The following DOCK3 variants were observed in gnomAD, a reference collection of about 807,000 sequenced individuals.
The protein encoded by DOCK3 is dedicator of cytokinesis protein 3.
A neutral mutation model predicts 265.6 loss-of-function variants in DOCK3; 60 were observed. That is an observed-to-expected ratio of 0.23 (90% confidence interval 0.18 to 0.28). The LOEUF (loss-of-function observed/expected upper bound fraction) is 0.28, where lower values mean the gene tolerates loss of function less well. Ranked by LOEUF, DOCK3 falls within the 10% of genes least tolerant of loss-of-function variation. The pLI, the probability that DOCK3 is intolerant of heterozygous loss-of-function variation, is 1.00. For synonymous variants in DOCK3, 881 were observed against 938.0 expected (o/e 0.94, Z 1.11); for missense variants, 1,981 against 2,594.3 (o/e 0.76, Z 5.14).
chr3:51,075,294 CATAAAGAGAGATA>C, intron 6 of DOCK3, 49 bp from the exon 7 acceptor site: 1 of 1,432,710 alleles, frequency 7.0e-7, no homozygotes, highest in Non-Finnish European at 9.6e-7. Context: ...TTCCCAGGCA[CATAAAGAGAGATA>C]AGTAATCTGA....
At chr3:51,170,435 AT>A (rs971906427) in intron 12 of DOCK3, among the ~76,000 whole-genome samples, 21 of 151,062 alleles carry the variant, frequency 1.4e-4, no homozygotes, top group Admixed American at 4.0e-4. Flanking sequence ...CTTATTATTG[AT>A]TTTTTTTTAT....
intron 21 of DOCK3, among the ~76,000 whole-genome samples, chr3:51,239,697 C>T (rs1285401998): frequency 6.6e-6 from 1 of 150,834 alleles, no homozygotes; most frequent in Non-Finnish European, 1.5e-5. Flanking sequence ...GTGTTTGTGT[C>T]CATGAATTTA....
chr3:50,964,136 G>C (rs72939205), intron 5 of DOCK3, among the ~76,000 whole-genome samples: 3,119 of 152,212 alleles, frequency 0.02, 107 homozygotes, highest in African/African-American at 0.071. Context: ...CAATAGTGGG[G>C]AATTATCATC....
rs1422233747 is a variant in DOCK3, at chr3:51,015,874, ATATATTTC to A, written c.316-48568_316-48561del. On this transcript the variant is annotated intron_variant, in intron 5 of 52. Transcript: ENST00000266037. Reference sequence around the variant, plus strand: ...ATATCATATATATGATATATATATCATATATTTCTATATATGATATATATCATATATAT... The same window carrying A: ...ATATCATATATATGATATATATATCATATATATGATATATATCATATATAT... 7.4e-5 allele frequency among the ~76,000 whole-genome samples: 2 copies of A among 27,158 alleles called. 1 individual carries two copies. The highest frequency in any genetic ancestry group is 4.1e-4 in the African/African-American group (2 of 4,894). 17.8% of individuals were successfully genotyped at this position (27,158 alleles called of 152,430 possible).
At chr3:51,195,972 G>T (rs2107913232) in intron 12 of DOCK3, among the ~76,000 whole-genome samples, 1 of 151,710 alleles carries the variant, frequency 6.6e-6, no homozygotes, top group East Asian at 1.9e-4. Context: ...GTCTCACTCT[G>T]TCACCCAGGT....
intron 1 of DOCK3, among the ~76,000 whole-genome samples, chr3:50,729,671 C>T (rs2038070846): frequency 6.6e-6 from 1 of 151,826 alleles, no homozygotes; most frequent in South Asian, 2.1e-4. Context: ...AGCTAGGACA[C>T]ACCACCATAC....
At chr3:50,823,618 C>T (rs866566314) in intron 2 of DOCK3, among the ~76,000 whole-genome samples, 1 of 152,218 alleles carries the variant, frequency 6.6e-6, no homozygotes, top group African/African-American at 2.4e-5. Context: ...TCCCACCTTT[C>T]CCCCCTTGCT....
intron 9 of DOCK3, among the ~76,000 whole-genome samples, chr3:51,130,949 T>C (rs930905155): frequency 3.3e-5 from 5 of 152,086 alleles, no homozygotes; most frequent in Non-Finnish European, 7.4e-5. Context: ...CTCAGGCAAT[T>C]CACCCACCTT....
intron 5 of DOCK3, among the ~76,000 whole-genome samples, chr3:50,951,953 A>C (rs2076603253): frequency 6.6e-6 from 1 of 152,170 alleles, no homozygotes; most frequent in Non-Finnish European, 1.5e-5. Flanking sequence ...GTGTAAATGT[A>C]GTTTGGGCCA....
chr3:51,039,656 T>TCTTTTGGG (rs1423967120), intron 5 of DOCK3, among the ~76,000 whole-genome samples: 14 of 152,180 alleles, frequency 9.2e-5, no homozygotes, highest in Non-Finnish European at 2.1e-4. Flanking sequence ...TGTCTATTTT[T>TCTTTTGGG]CTTTTGGGTT....
intron 9 of DOCK3, among the ~76,000 whole-genome samples, chr3:51,113,064 T>A (rs1254075870): frequency 6.6e-6 from 1 of 152,180 alleles, no homozygotes; most frequent in Non-Finnish European, 1.5e-5. Flanking sequence ...CAAAACACAT[T>A]GTATGCCCAC....
intron 1 of DOCK3, among the ~76,000 whole-genome samples, chr3:50,682,122 A>C (rs952687913): frequency 2.0e-5 from 3 of 152,216 alleles, no homozygotes; most frequent in Non-Finnish European, 4.4e-5. Context: ...GAAATCTTAG[A>C]GATAATATGG....
intron 12 of DOCK3, among the ~76,000 whole-genome samples, chr3:51,165,296 C>G (rs2086340560): frequency 6.6e-6 from 1 of 152,122 alleles, no homozygotes; most frequent in South Asian, 2.1e-4. Flanking sequence ...TCTTTTTATC[C>G]CCTAGCCTTA....
chr3:50,768,137 A>T (rs1429389960), intron 1 of DOCK3, among the ~76,000 whole-genome samples: 2 of 152,170 alleles, frequency 1.3e-5, no homozygotes, highest in Non-Finnish European at 2.9e-5. Flanking sequence ...CCCTGGCCAG[A>T]ACTTCCAACA....
At chr3:50,988,845 C>G (rs992471466) in intron 5 of DOCK3, among the ~76,000 whole-genome samples, 9 of 152,170 alleles carry the variant, frequency 5.9e-5, no homozygotes, top group African/African-American at 2.2e-4. Flanking sequence ...TCCTCCAGGC[C>G]TGTGCCTCCA....
intron 5 of DOCK3, among the ~76,000 whole-genome samples, chr3:50,940,574 A>C (rs1252030235): frequency 1.3e-5 from 2 of 152,144 alleles, no homozygotes; most frequent in Admixed American, 6.5e-5. Context: ...AGTTGAAATT[A>C]TTTTTTTAAA....
chr3:50,731,823 C>T (rs1423309903), intron 1 of DOCK3, among the ~76,000 whole-genome samples: 1 of 152,086 alleles, frequency 6.6e-6, no homozygotes, highest in Non-Finnish European at 1.5e-5. Context: ...TGATATCTGC[C>T]TTCACAACTT....
chr3:50,860,399 T>A (rs2046853456), intron 3 of DOCK3, among the ~76,000 whole-genome samples: 1 of 152,158 alleles, frequency 6.6e-6, no homozygotes, highest in Non-Finnish European at 1.5e-5. Context: ...TAGTTGAGGC[T>A]TAGGCCTGGA....
chr3:50,974,192 T>C (rs2077353776), intron 5 of DOCK3, among the ~76,000 whole-genome samples: 1 of 152,078 alleles, frequency 6.6e-6, no homozygotes, highest in African/African-American at 2.4e-5. Context: ...GCTTTTAGTG[T>C]TTTAGACATG....
Sources: allele counts gnomAD v4.1 joint callset (sites outside exome capture counted in the v4.1 genomes callset), GRCh38; gene constraint gnomAD v4.1.1; transcripts MANE v1.5; gene names NCBI Gene and HGNC (gene_info 2026-07-23, HGNC 2026-07-21).